KCNH1: variants seen among roughly 807,000 people sequenced by gnomAD.
KCNH1 encodes voltage-gated delayed rectifier potassium channel KCNH1.
Under a neutral mutation model 69.2 loss-of-function variants are expected in KCNH1, and 27 were observed. That is an observed-to-expected ratio of 0.39 (90% confidence interval 0.29 to 0.54). The LOEUF is 0.54. Ranked by LOEUF, KCNH1 falls within the 20% of genes least tolerant of loss-of-function variation. The pLI is 0.68. For synonymous variants in KCNH1, 456 were observed against 487.7 expected (o/e 0.93, Z 0.86); for missense variants, 798 against 1,261.6 (o/e 0.63, Z 5.57).
chr1:210,876,844 A>G (rs1401626581), intron 7 of KCNH1, among the ~76,000 whole-genome samples: 2 of 152,088 alleles, frequency 1.3e-5, no homozygotes, highest in Non-Finnish European at 2.9e-5. Flanking sequence ...AAGTGCCAAT[A>G]TACCCCTCTA....
intron 10 of KCNH1, among the ~76,000 whole-genome samples, chr1:210,770,350 T>C (rs943404765): frequency 6.6e-6 from 1 of 152,200 alleles, no homozygotes; most frequent in Non-Finnish European, 1.5e-5. Flanking sequence ...TCTGCACATG[T>C]ATCCCAGAAC....
At chr1:210,778,373 A>C (rs556312743) in intron 9 of KCNH1, among the ~76,000 whole-genome samples, 1 of 152,258 alleles carries the variant, frequency 6.6e-6, no homozygotes, top group East Asian at 1.9e-4. Flanking sequence ...AAAAATAAAA[A>C]ATAGCTGGGC....
In KCNH1 at chr1:211,103,509, C is replaced by T; in HGVS notation, c.297G>A (p.Met99Ile). The T allele has an allele frequency of 6.2e-7, 1 of 1,606,366 alleles. No homozygotes were observed. Among genetic ancestry groups the T allele is most frequent in the Non-Finnish European group, 8.5e-7 (1 of 1,173,736 alleles). Residue 99 changes from methionine (M) to isoleucine (I), a missense_variant, in exon 3 of 11, where the codon ATG becomes ATA. Around this residue, in one of 4 missense-constraint regions of KCNH1, gnomAD observed 266 missense variants for 457.2 expected, o/e 0.58. Coordinates refer to ENST00000271751, the MANE Select transcript of KCNH1 (RefSeq NM_172362.3). The part of the protein sequence containing the change: ...NYEMNSFEIL[M>I]YKKNRTPVWF... ...CTCAATACTCACTGTTCTTCTTGTA[C>T]ATCAGAATTTCAAAGGAATTCATCT...
At chr1:210,704,558 G>T (rs1205904462) in intron 10 of KCNH1, among the ~76,000 whole-genome samples, 1 of 152,160 alleles carries the variant, frequency 6.6e-6, no homozygotes, top group Non-Finnish European at 1.5e-5. Context: ...CTTTGTGGTT[G>T]ACAGAAAGCC....
intron 7 of KCNH1, chr1:210,858,628 G>A (rs1450771747): frequency 6.5e-6 from 1 of 154,178 alleles, no homozygotes. Context: ...TAGGAACAAT[G>A]AAGAATAAAA....
At chr1:210,813,372 A>G (rs981834855) in intron 7 of KCNH1, among the ~76,000 whole-genome samples, 6 of 152,222 alleles carry the variant, frequency 3.9e-5, no homozygotes, top group African/African-American at 1.4e-4. Flanking sequence ...ACTTTGATGT[A>G]TTAGCTGAAA....
chr1:210,840,454 G>A (rs967149782), intron 7 of KCNH1, among the ~76,000 whole-genome samples: 6 of 152,180 alleles, frequency 3.9e-5, no homozygotes, highest in South Asian at 2.1e-4. Flanking sequence ...GGGCTGCTTC[G>A]CAACAGTTAT....
At chr1:210,859,759 G>A in intron 7 of KCNH1, 1 of 1,040,976 alleles carries the variant, frequency 9.6e-7, no homozygotes. Flanking sequence ...ATCAATAAGA[G>A]CACAGAGACT....
chr1:211,127,550 A>G (rs926767621), intron 1 of KCNH1, among the ~76,000 whole-genome samples: 2 of 152,148 alleles, frequency 1.3e-5, no homozygotes, highest in Non-Finnish European at 2.9e-5. Context: ...GAATACTTCA[A>G]CCCACAGTGG....
At chr1:211,086,837 A>G (rs1377135579) in intron 4 of KCNH1, among the ~76,000 whole-genome samples, 1 of 152,216 alleles carries the variant, frequency 6.6e-6, no homozygotes, top group East Asian at 1.9e-4. Context: ...AGGGTCAGAA[A>G]TTCAGAGGAG....
chr1:210,746,550 A>C (rs1183538065), intron 10 of KCNH1, among the ~76,000 whole-genome samples: 1 of 147,250 alleles, frequency 6.8e-6, no homozygotes, highest in Non-Finnish European at 1.5e-5. Context: ...ATGTCACACA[A>C]TCTTTTCTTT....
chr1:210,876,276 G>A (rs1436173793), intron 7 of KCNH1, among the ~76,000 whole-genome samples: 2 of 152,054 alleles, frequency 1.3e-5, no homozygotes, highest in South Asian at 4.1e-4. Flanking sequence ...TACAAAGATT[G>A]GTAGATCAAA....
At chr1:210,915,642 G>A (rs1687319854) in intron 7 of KCNH1, among the ~76,000 whole-genome samples, 1 of 152,276 alleles carries the variant, frequency 6.6e-6, no homozygotes, top group East Asian at 1.9e-4. Context: ...GACATTGTAG[G>A]TCACCTAAAT....
At chr1:210,978,765 A>G (rs939513474) in intron 6 of KCNH1, among the ~76,000 whole-genome samples, 8 of 152,150 alleles carry the variant, frequency 5.3e-5, no homozygotes, top group African/African-American at 1.7e-4. Context: ...CAGTCAGTCA[A>G]TGATTAGACA....
At chr1:210,860,996 T>C (rs1685966497) in intron 7 of KCNH1, 2 of 1,062,574 alleles carry the variant, frequency 1.9e-6, no homozygotes, top group Non-Finnish European at 2.9e-6. Context: ...TCCATCTTTT[T>C]TTCAAAGGTC....
chr1:210,985,417 T>G (rs1688810890), intron 6 of KCNH1, among the ~76,000 whole-genome samples: 1 of 152,248 alleles, frequency 6.6e-6, no homozygotes, highest in African/African-American at 2.4e-5. Context: ...CTTGTGGGCA[T>G]GTAGTGCTAT....
At chr1:211,057,222 G>T (rs539096959) in intron 5 of KCNH1, among the ~76,000 whole-genome samples, 1 of 152,280 alleles carries the variant, frequency 6.6e-6, no homozygotes, top group East Asian at 1.9e-4. Flanking sequence ...GCTGAAAAAT[G>T]CAACTGACAT....
At position 211,098,407 on chromosome 1, in the gene KCNH1, A is replaced by G. The variant is rs549005225; in HGVS notation, c.310+5089T>C. ...CAATACGAAATATACAGCACTCCAG[A>G]AATGTCAGGTTTTCCGAATGGCCAA... On this transcript the variant is annotated intron_variant, in intron 3 of 10. Coordinates refer to ENST00000271751, the MANE Select transcript of KCNH1 (RefSeq NM_172362.3). Among the ~76,000 whole-genome samples, 6 of 152,270 alleles carry G rather than the reference A, an allele frequency of 3.9e-5. No individual in the cohort carries two copies. In the South Asian group the frequency reaches 1.2e-3, roughly 32 times the overall value.
chr1:210,729,621 C>T (rs1434288409), intron 10 of KCNH1, among the ~76,000 whole-genome samples: 3 of 152,174 alleles, frequency 2.0e-5, no homozygotes, highest in Non-Finnish European at 1.5e-5. Context: ...TTGCAATTGA[C>T]TGTCATTAGT....
Sources: gnomAD v4.1 joint callset for allele counts (sites outside exome capture counted in the v4.1 genomes callset) on GRCh38, gnomAD v4.1.1 for gene constraint, gnomAD v4.1.1 regional missense constraint, MANE v1.5 for transcripts, NCBI Gene and HGNC (gene_info 2026-07-23, HGNC 2026-07-21) for gene names.